Variants in CEP192 observed in about 807,000 individuals in gnomAD.
CEP192 encodes the protein centrosomal protein of 192 kDa.
In CEP192, 151 loss-of-function variants were observed where a neutral mutation model predicts 271.8. The observed-to-expected ratio is 0.56, with a 90% CI of 0.49 to 0.64. The LOEUF (loss-of-function observed/expected upper bound fraction) is 0.64. Ranked by LOEUF, CEP192 falls within the 30% of genes least tolerant of loss-of-function variation. The pLI is 0.00. For synonymous variants in CEP192, 995 were observed against 1,076.5 expected (o/e 0.92, Z 1.48); for missense variants, 2,910 against 3,020.5 (o/e 0.96, Z 0.86).
intron 42 of CEP192, among the ~76,000 whole-genome samples, chr18:13,115,129 CT>C (rs2040369914): frequency 6.6e-6 from 1 of 152,130 alleles, no homozygotes; most frequent in South Asian, 2.1e-4. Flanking sequence ...AATTAGAGCC[CT>C]TTAATGAATG....
intron 40 of CEP192, among the ~76,000 whole-genome samples, chr18:13,106,509 TACC>T (rs761390676): frequency 4.0e-4 from 55 of 136,938 alleles, no homozygotes; most frequent in Middle Eastern, 4.5e-3. Flanking sequence ...CACCATTTCC[TACC>T]ACCACCACCA....
chr18:13,089,995 A>G (rs2039067845), intron 33 of CEP192, among the ~76,000 whole-genome samples: 2 of 152,220 alleles, frequency 1.3e-5, no homozygotes, highest in Non-Finnish European at 2.9e-5. Flanking sequence ...TGCCTATTGT[A>G]AGATTTATGG....
chr18:13,092,295 T>C, intron 33 of CEP192, 82 bp from the exon 34 acceptor site: 1 of 988,038 alleles, frequency 1.0e-6, no homozygotes, highest in Non-Finnish European at 1.5e-6. Flanking sequence ...ATTCTATAGC[T>C]ATAAATATAC....
At chr18:13,050,010 A>G in intron 17 of CEP192, 119 bp downstream of exon 17, 1 of 793,568 alleles carries the variant, frequency 1.3e-6, no homozygotes, top group South Asian at 2.2e-5. Flanking sequence ...TAACTCTTGT[A>G]AGCTGTGAAT....
At chr18:13,101,888 C>G (rs1473311522) in intron 38 of CEP192, among the ~76,000 whole-genome samples, 1 of 152,130 alleles carries the variant, frequency 6.6e-6, no homozygotes, top group Non-Finnish European at 1.5e-5. Context: ...TTCTGGACTC[C>G]TGAGTCTGTC....
chr18:13,095,780 G>A, intron 35 of CEP192, 99 bp downstream of exon 35: 1 of 1,031,958 alleles, frequency 9.7e-7, no homozygotes, highest in Non-Finnish European at 1.4e-6. Flanking sequence ...ATGGGCTCCT[G>A]CACATTGAGC....
chr18:13,124,440 A>G (rs537684876), intron 44 of CEP192, 192 bp from the exon 45 acceptor site: 18 of 484,934 alleles, frequency 3.7e-5, no homozygotes, highest in African/African-American at 7.6e-5. Context: ...TTTTAATCCA[A>G]TTTTACGTTT....
chr18:13,104,363 G>A (rs1301525563), intron 39 of CEP192, among the ~76,000 whole-genome samples: 1 of 152,154 alleles, frequency 6.6e-6, no homozygotes. Flanking sequence ...AATTCAGTGG[G>A]TGTGTCATTG....
intron 4 of CEP192, among the ~76,000 whole-genome samples, chr18:13,011,099 C>T (rs1599059014): frequency 6.7e-6 from 1 of 149,568 alleles, no homozygotes; most frequent in Non-Finnish European, 1.5e-5. Flanking sequence ...TGGTGGCGGG[C>T]GCCTGTAGTC....
rs1226988499 is a variant in CEP192, at chr18:13,056,655, C to G, written c.4065C>G (p.Asn1355Lys). 1 of 1,612,548 alleles carries G rather than the reference C, an allele frequency of 6.2e-7. No individual in the cohort carries two copies. Among genetic ancestry groups the G allele is most frequent in the East Asian group, 2.2e-5 (1 of 44,882 alleles). Residue 1355 changes from asparagine (N) to lysine (K), a missense_variant, in exon 19 of 45, where the codon AAC becomes AAG. Transcript: ENST00000506447. ...TTCCTGTGCCGTCTGTTGGTACAAA[C>G]TGTGGAATTGAACCATGGGATTCAG... is the stretch of plus-strand genomic sequence containing the variant. ...KPFPVPSVGTNCGIEPWDSGV... is the reference protein window; with the variant it reads ...KPFPVPSVGTKCGIEPWDSGV...
chr18:13,088,887 G>T, intron 32 of CEP192: 1 of 444,690 alleles, frequency 2.2e-6, no homozygotes, highest in Non-Finnish European at 4.5e-6. Flanking sequence ...CTGACATTTG[G>T]AGAAATCACA....
At chr18:13,023,890 T>C (rs2035133806) in intron 9 of CEP192, among the ~76,000 whole-genome samples, 1 of 152,234 alleles carries the variant, frequency 6.6e-6, no homozygotes, top group Non-Finnish European at 1.5e-5. Context: ...ATTGCCTTAA[T>C]TTCTTTATCA....
chr18:13,000,091 CTT>C lies in CEP192; in HGVS notation c.164+529_164+530del, dbSNP rs775544715. Among the ~76,000 whole-genome samples, 90 of 76,752 alleles carry C rather than the reference CTT, an allele frequency of 1.2e-3. 7 individuals are homozygous for C. The highest frequency in any genetic ancestry group is 6.5e-3 in the East Asian group (17 of 2,628). The allele number at this position is 76,752 out of a possible 152,430, so 50.4% of individuals were successfully genotyped here. A position where few individuals can be genotyped will look rare whatever the true frequency, so the allele number is the denominator to read the frequency against. ...CTCTGTATAACTCATTGTCTTCTCT[CTT>C]TTTTTTTTTTTTTTTTTTTTTTTTT... On this transcript the variant is annotated intron_variant, in intron 2 of 44. Coordinates refer to ENST00000506447, the MANE Select transcript of CEP192 (RefSeq NM_032142.4).
intron 13 of CEP192, among the ~76,000 whole-genome samples, chr18:13,039,686 G>A (rs2036101049): frequency 6.6e-6 from 1 of 152,078 alleles, no homozygotes; most frequent in Admixed American, 6.6e-5. Context: ...TGGTAGGAGG[G>A]GGGTTTTATC....
At chr18:12,995,163 G>A (rs1599009604) in intron 1 of CEP192, among the ~76,000 whole-genome samples, 1 of 145,904 alleles carries the variant, frequency 6.9e-6, no homozygotes, top group Non-Finnish European at 1.5e-5. Flanking sequence ...CCGGATTCAC[G>A]CCATTCTCCT....
At chr18:13,083,813 C>A (rs2038752831) in intron 30 of CEP192, among the ~76,000 whole-genome samples, 1 of 152,108 alleles carries the variant, frequency 6.6e-6, no homozygotes, top group African/African-American at 2.4e-5. Flanking sequence ...TGTGGATGTC[C>A]TTTTTGTTGA....
intron 32 of CEP192, chr18:13,089,037 TCA>T (rs953061501): frequency 1.5e-5 from 4 of 271,674 alleles, no homozygotes; most frequent in Admixed American, 4.4e-5. Context: ...AATCTACATT[TCA>T]GTTTTCTCAC....
At chr18:13,046,921 T>C (rs892854567) in intron 15 of CEP192, among the ~76,000 whole-genome samples, 6 of 152,004 alleles carry the variant, frequency 3.9e-5, no homozygotes, top group African/African-American at 1.4e-4. Context: ...ACTCTTGATA[T>C]GTATTTTTGC....
At chr18:13,029,608 T>TA in intron 9 of CEP192, 55 bp from the exon 10 acceptor site, 1 of 1,109,456 alleles carries the variant, frequency 9.0e-7, no homozygotes, top group Non-Finnish European at 1.3e-6. Context: ...AAATAAGTTA[T>TA]AAAAAACAAG....
Sources: gnomAD v4.1 joint callset for allele counts (sites outside exome capture counted in the v4.1 genomes callset) on GRCh38, gnomAD v4.1.1 for gene constraint, MANE v1.5 for transcripts, NCBI Gene and HGNC (gene_info 2026-07-23, HGNC 2026-07-21) for gene names.